Variants in GTSE1 observed in about 807,000 individuals in gnomAD.
GTSE1 encodes the protein G2 and S phase-expressed protein 1.
A neutral mutation model predicts 60.5 loss-of-function variants in GTSE1; 52 were observed. The observed-to-expected ratio is 0.86, with a 90% CI of 0.69 to 1.08. The LOEUF (loss-of-function observed/expected upper bound fraction) is 1.08, where lower values mean the gene tolerates loss of function less well. GTSE1 is among the 50% of genes least tolerant of loss of function. The probability of loss-of-function intolerance (pLI) is 0.00; values close to 1 mark genes in which losing one functional copy is unlikely to be tolerated. For synonymous variants in GTSE1, 368 were observed against 386.5 expected (o/e 0.95, Z 0.56); for missense variants, 937 against 961.8 (o/e 0.97, Z 0.34).
In GTSE1 at chr22:46,308,338, GTCT is replaced by G. The variant is rs766360768; in HGVS notation, c.163_165del (p.Phe55del). On this transcript the variant is annotated inframe_deletion, in exon 4 of 12. Coordinates refer to ENST00000454366, the MANE Select transcript of GTSE1 (RefSeq NM_016426.7). The stretch of plus-strand genomic sequence containing the variant: ...AAATAGTGCAAATGAAGATGATGAA[GTCT>G]TCTTCGGACCCTTTGGACATAAAGA... 6.2e-7 allele frequency: 1 copy of G among 1,613,024 alleles called. No homozygotes were observed. Among genetic ancestry groups the G allele is most frequent in the South Asian group, 1.1e-5 (1 of 91,046 alleles).
At chr22:46,312,894 G>A (rs1336320173) in intron 5 of GTSE1, among the ~76,000 whole-genome samples, 1 of 151,758 alleles carries the variant, frequency 6.6e-6, no homozygotes, top group Non-Finnish European at 1.5e-5. Context: ...TGGGTGCAGT[G>A]GCTCACACAT....
chr22:46,299,960 T>C (rs1211498202), intron 2 of GTSE1, among the ~76,000 whole-genome samples: 2 of 72,722 alleles, frequency 2.8e-5, no homozygotes, highest in Non-Finnish European at 6.3e-5. Context: ...GCCCAGCTAA[T>C]TTTTTTTTTT....
chr22:46,312,111 A>C (rs1394241309), intron 4 of GTSE1, 30 bp from the exon 5 acceptor site: 1 of 1,583,414 alleles, frequency 6.3e-7, no homozygotes, highest in South Asian at 1.1e-5. Flanking sequence ...AGCACTAGAC[A>C]GTTCTCACAG....
chr22:46,308,706 G>C lies in GTSE1; in HGVS notation c.525G>C (p.Gly175=), dbSNP rs1228314336. 1 of 1,613,688 alleles carries C rather than the reference G, an allele frequency of 6.2e-7. No individual in the cohort carries two copies. The highest frequency in any genetic ancestry group is 1.7e-5 in the Admixed American group (1 of 60,034). The change falls in exon 4 of 12, where the codon GGG becomes GGC. Residue 175 remains glycine (G), a synonymous_variant. Transcript: ENST00000454366. ...ACCTGTCAGACAGCCCCTTGCTGGG[G>C]CCCCCTGTGGGTGAGCCTCGGCTCT... is the stretch of plus-strand genomic sequence containing the variant. ...TYYLSDSPLL[G]PPVGEPRLLA...
chr22:46,318,102 G>C lies in GTSE1; in HGVS notation c.1432+1690G>C, dbSNP rs751793450. ...TGAGCTCCAGCCACTGCCTTCTCCA[G>C]TCAGTGAGGCCACTGGCCCCAGCAG... is the stretch of plus-strand genomic sequence containing the variant. On this transcript the variant is annotated intron_variant, in intron 7 of 11. Coordinates refer to ENST00000454366, the MANE Select transcript of GTSE1 (RefSeq NM_016426.7). The surrounding 1 kb of genome is among the most constrained non-coding windows in gnomAD (Gnocchi z 4.8). 1.2e-4 allele frequency among the ~76,000 whole-genome samples: 18 copies of C among 152,358 alleles called. No homozygotes were observed. The highest frequency in any genetic ancestry group is 4.1e-4 in the African/African-American group (17 of 41,580).
Position 46,297,918 on chromosome 22 carries a change from T to G in GTSE1, c.79+439T>G, listed in dbSNP as rs2077666720. On this transcript the variant is annotated intron_variant, in intron 2 of 11. Transcript: ENST00000454366. This position sits in a 1 kb window ranked among gnomAD's most constrained non-coding sequence, Gnocchi z 4.9. ...AAGGTGAGGGTACAGCTTCACAGAA[T>G]GAGTTACAGGCCACACCCTCTTTTT... Among the ~76,000 whole-genome samples, 1 of 152,172 alleles carries G rather than the reference T, an allele frequency of 6.6e-6. No homozygotes were observed. Among genetic ancestry groups the G allele is most frequent in the Non-Finnish European group, 1.5e-5 (1 of 68,028 alleles).
rs753283837 is a variant in GTSE1 at position 46,312,223 on chromosome 22, A to G, written c.845A>G (p.Lys282Arg). 4.3e-6 allele frequency: 7 copies of G among 1,614,130 alleles called. No individual in the cohort carries two copies. The South Asian group carries it at 4.4e-5, about 10-fold the overall frequency. ...KESHRDVLPD[K>R]PAPGAVNVPA... ...TCCCACCGGGATGTTCTCCCTGACA[A>G]ACCTGCCCCGGGTGCTGTCAATGTG... is the stretch of plus-strand genomic sequence containing the variant. Residue 282 changes from lysine to arginine, a missense_variant, in exon 5 of 12, where the codon AAA (lysine) becomes AGA (arginine). By Grantham distance (26) the Lys-to-Arg change is conservative. Coordinates refer to ENST00000454366, the MANE Select transcript of GTSE1 (RefSeq NM_016426.7).
chr22:46,326,152 T>C (rs2077842311), intron 8 of GTSE1, among the ~76,000 whole-genome samples: 1 of 152,274 alleles, frequency 6.6e-6, no homozygotes, highest in South Asian at 2.1e-4. Context: ...ATCCGTAAAG[T>C]GTAATCACAT....
At chr22:46,323,361 A>AG in intron 8 of GTSE1, 99 bp downstream of exon 8, 2 of 922,038 alleles carry the variant, frequency 2.2e-6, no homozygotes, top group East Asian at 4.8e-5. Context: ...TGGCCTGCGC[A>AG]TCTGGCTTCC....
intron 2 of GTSE1, among the ~76,000 whole-genome samples, chr22:46,301,172 G>A (rs2077687303): frequency 6.6e-6 from 1 of 152,202 alleles, no homozygotes; most frequent in Non-Finnish European, 1.5e-5. Flanking sequence ...TTTGTGCCTA[G>A]AGTCTTGCTG....
chr22:46,330,060 G>T lies in GTSE1; in HGVS notation c.2150G>T (p.Ser717Ile). The T allele has an allele frequency of 6.2e-7, 1 of 1,608,260 alleles. No homozygotes were observed. The change falls in exon 12 of 12, where the codon AGC becomes ATC. Residue 717 changes from serine to isoleucine, a missense_variant. Ser to Ile is a moderately radical substitution (Grantham distance 142). Coordinates refer to ENST00000454366, the MANE Select transcript of GTSE1 (RefSeq NM_016426.7). The surrounding 1 kb of genome is among the most constrained non-coding windows in gnomAD (Gnocchi z 6.0). ...GCTCTCTTCCAGCTCATAGACCTGA[G>T]CTCCCCTCTGATCCAGCTGAGCCCT... The part of the protein sequence containing the change: ...SPVVGQLIDL[S>I]SPLIQLSPEA...
intron 2 of GTSE1, among the ~76,000 whole-genome samples, chr22:46,305,328 G>A (rs2077709662): frequency 6.6e-6 from 1 of 152,216 alleles, no homozygotes; most frequent in African/African-American, 2.4e-5. Flanking sequence ...ATAAAAAATA[G>A]ACTGGATGCG....
rs369825538 is a variant in GTSE1, at chr22:46,316,602, C to T, written c.1432+190C>T. ...CACTGGAGGCTCCCTGAATGTCTTA[C>T]GTTCGTTCCTGTGTGTGTGACACCC... On this transcript the variant is annotated intron_variant, in intron 7 of 11. Transcript: ENST00000454366. This position sits in a 1 kb window ranked among gnomAD's most constrained non-coding sequence, Gnocchi z 5.0. Among the ~76,000 whole-genome samples the T allele has an allele frequency of 2.0e-5, 3 of 152,182 alleles. No individual in the cohort carries two copies. Among genetic ancestry groups the T allele is most frequent in the East Asian group, 3.8e-4 (2 of 5,202 alleles).
In GTSE1 at chr22:46,323,200, G is replaced by A. The variant is rs780829555; in HGVS notation, c.1443G>A (p.Pro481=). The A allele has an allele frequency of 1.5e-5, 24 of 1,613,248 alleles. No homozygotes were observed. The highest frequency in any genetic ancestry group is 2.0e-5 in the Non-Finnish European group (23 of 1,179,158). The change falls in exon 8 of 12, where the codon CCG becomes CCA. Residue 481 remains proline, a synonymous_variant. Transcript: ENST00000454366. ...CTTTCTTGGACTTAGGTGACTCCCCGGACAGCTCAACACCAAAGCTTTCGC... is the reference window on the plus strand; with the variant it reads ...CTTTCTTGGACTTAGGTGACTCCCCAGACAGCTCAACACCAAAGCTTTCGC... The part of the protein sequence containing the change: ...KIPKFSIGDS[P]DSSTPKLSRA...
rs905154610 is a variant in GTSE1 at position 46,318,943 on chromosome 22, A to G, written c.1432+2531A>G. On this transcript the variant is annotated intron_variant, in intron 7 of 11. Coordinates refer to ENST00000454366, the MANE Select transcript of GTSE1 (RefSeq NM_016426.7). The surrounding 1 kb of genome is among the most constrained non-coding windows in gnomAD (Gnocchi z 4.8). ...CGGCAGGAAGCCTTCTTCTAGGTGA[A>G]GAAGAGCAAATCCCCACCTTTCAAG... 1.3e-5 allele frequency among the ~76,000 whole-genome samples: 2 copies of G among 152,136 alleles called. No homozygotes were observed. The highest frequency in any genetic ancestry group is 1.5e-5 in the Non-Finnish European group (1 of 68,016).
chr22:46,325,746 T>A (rs1398394653), intron 8 of GTSE1, among the ~76,000 whole-genome samples: 1 of 152,226 alleles, frequency 6.6e-6, no homozygotes, highest in Non-Finnish European at 1.5e-5. Flanking sequence ...TGCCATCACC[T>A]TGGGGGCTAG....
chr22:46,312,029 A>G (rs2077751270), intron 4 of GTSE1, 112 bp from the exon 5 acceptor site: 2 of 798,744 alleles, frequency 2.5e-6, no homozygotes, highest in Non-Finnish European at 4.1e-6. Context: ...ATGGAGGGGC[A>G]TGTGTAGCAC....
rs1408295721 is a variant in GTSE1, at chr22:46,316,911, T to A, written c.1432+499T>A. Among the ~76,000 whole-genome samples, 1 of 152,132 alleles carries A rather than the reference T, an allele frequency of 6.6e-6. No individual in the cohort carries two copies. The highest frequency in any genetic ancestry group is 1.5e-5 in the Non-Finnish European group (1 of 68,008). On this transcript the variant is annotated intron_variant, in intron 7 of 11. Transcript: ENST00000454366. This position sits in a 1 kb window ranked among gnomAD's most constrained non-coding sequence, Gnocchi z 5.0. ...CACCGAAGCTCTGTTCTTTTTTTTA[T>A]TTCAGCCTTTTTTCTTTTTCTTATC...
At position 46,328,707 on chromosome 22, in the gene GTSE1, A is replaced by G. The variant is rs1327581478; in HGVS notation, c.1744A>G (p.Ser582Gly). Reference sequence around the variant, plus strand: ...CCACAGAACTGAACCAACAAGGGAGAGCAACAGAAAGACAGATTCCAGGCT... The same window carrying G: ...CCACAGAACTGAACCAACAAGGGAGGGCAACAGAAAGACAGATTCCAGGCT... Reference protein sequence around the residue: ...SAMRTEPTRESNRKTDSRLVD... With the variant: ...SAMRTEPTREGNRKTDSRLVD... The change falls in exon 10 of 12, where the codon AGC becomes GGC. Residue 582 changes from serine (S) to glycine (G), a missense_variant. Physicochemically the swap from Ser to Gly is moderately conservative, Grantham distance 56. Coordinates refer to ENST00000454366, the MANE Select transcript of GTSE1 (RefSeq NM_016426.7). 6.2e-7 allele frequency: 1 copy of G among 1,613,494 alleles called. No homozygotes were observed. Among genetic ancestry groups the G allele is most frequent in the East Asian group, 2.2e-5 (1 of 44,894 alleles).
Sources: allele counts gnomAD v4.1 joint callset (sites outside exome capture counted in the v4.1 genomes callset), GRCh38; gene constraint gnomAD v4.1.1; non-coding constraint Gnocchi (gnomAD v3.1); transcripts MANE v1.5; gene names NCBI Gene and HGNC (gene_info 2026-07-23, HGNC 2026-07-21).